The following ZNF713 variants were observed in gnomAD, a reference collection of about 807,000 sequenced individuals.
ZNF713 encodes the protein zinc finger protein 713.
Under a neutral mutation model 28.7 loss-of-function variants are expected in ZNF713, and 21 were observed. The ratio of observed to expected loss-of-function variants is 0.73; its 90% CI spans 0.52 to 1.05. ZNF713 has a LOEUF of 1.05. Ranked by LOEUF, ZNF713 falls within the 50% of genes least tolerant of loss-of-function variation. The pLI, the probability that ZNF713 is intolerant of heterozygous loss-of-function variation, is 0.00. For synonymous variants in ZNF713, 167 were observed against 178.0 expected (o/e 0.94, Z 0.49); for missense variants, 458 against 532.4 (o/e 0.86, Z 1.37).
At chr7:55,913,776 C>A (rs1785831099) in intron 4 of ZNF713, among the ~76,000 whole-genome samples, 1 of 152,086 alleles carries the variant, frequency 6.6e-6, no homozygotes, top group African/African-American at 2.4e-5. Context: ...GAAACTGTTG[C>A]ATTATAGGTA....
At position 55,940,596 on chromosome 7, in the gene ZNF713, C is replaced by T. The variant is rs73134761; in HGVS notation, c.*590C>T. The T allele has an allele frequency of 0.044, 42,660 of 972,812 alleles. 1,071 individuals are homozygous for T. Among genetic ancestry groups the T allele is most frequent in the Non-Finnish European group, 0.048 (39,557 of 818,852 alleles). 60.3% of individuals were successfully genotyped at this position (972,812 alleles called of 1,614,324 possible). On this transcript the variant is annotated 3_prime_UTR_variant, in exon 7 of 7. Coordinates refer to ENST00000429591, the MANE Select transcript of ZNF713 (RefSeq NM_182633.3). Reference sequence around the variant, plus strand: ...TTTTTAAAAAATCAGAAGTCCTTATCCAGGCATGGTGGTGCACACCTGCAA... The same window carrying T: ...TTTTTAAAAAATCAGAAGTCCTTATTCAGGCATGGTGGTGCACACCTGCAA...
chr7:55,899,495 A>AC (rs1584298341), intron 1 of ZNF713, among the ~76,000 whole-genome samples: 1 of 142,952 alleles, frequency 7.0e-6, no homozygotes, highest in East Asian at 2.1e-4. Flanking sequence ...AGATGGCGAG[A>AC]CCCCATCTCT....
intron 1 of ZNF713, among the ~76,000 whole-genome samples, chr7:55,898,324 A>G (rs995174758): frequency 2.0e-5 from 3 of 152,236 alleles, no homozygotes; most frequent in Admixed American, 2.0e-4. Context: ...TGCAAACGAT[A>G]CATCTGATAT....
At chr7:55,896,101 G>A (rs1785467689) in intron 1 of ZNF713, among the ~76,000 whole-genome samples, 1 of 152,132 alleles carries the variant, frequency 6.6e-6, no homozygotes, top group Admixed American at 6.6e-5. Flanking sequence ...GGTTACATTT[G>A]TATGTTTTTC....
intron 6 of ZNF713, 23 bp downstream of exon 6, chr7:55,923,722 T>C (rs747682995): frequency 2.5e-6 from 4 of 1,590,470 alleles, no homozygotes; most frequent in Middle Eastern, 1.7e-4. Flanking sequence ...TCTTGGGCAC[T>C]GCTACTTAAT....
chr7:55,939,344 T>C lies in ZNF713; in HGVS notation c.670T>C (p.Tyr224His). Residue 224 changes from tyrosine to histidine, a missense_variant, in exon 7 of 7, where the codon TAC becomes CAC. Tyr to His is a moderately conservative substitution (Grantham distance 83). Transcript: ENST00000429591. Reference protein sequence around the residue: ...NSIKHNSDLIYYQGNYVRETP... With the variant: ...NSIKHNSDLIHYQGNYVRETP... ...CATCAAACATAATTCAGACTTGATT[T>C]ACTATCAGGGAAATTATGTAAGAGA... is the stretch of plus-strand genomic sequence containing the variant. 6.2e-7 allele frequency: 1 copy of C among 1,614,082 alleles called. No homozygotes were observed. Among genetic ancestry groups the C allele is most frequent in the Non-Finnish European group, 8.5e-7 (1 of 1,180,014 alleles).
At chr7:55,934,884 C>CTTTT (rs35877447) in intron 6 of ZNF713, among the ~76,000 whole-genome samples, 2 of 131,584 alleles carry the variant, frequency 1.5e-5, no homozygotes, top group African/African-American at 2.8e-5. Context: ...CTGGCATTGC[C>CTTTT]TTTTTTTTTT....
intron 4 of ZNF713, among the ~76,000 whole-genome samples, chr7:55,918,543 A>G (rs944273544): frequency 3.9e-5 from 6 of 152,320 alleles, no homozygotes; most frequent in Non-Finnish European, 8.8e-5. Context: ...TGGGGATAAG[A>G]TAGAAAACGA....
chr7:55,907,659 G>A (rs1161405345), intron 2 of ZNF713, among the ~76,000 whole-genome samples: 1 of 152,008 alleles, frequency 6.6e-6, no homozygotes, highest in African/African-American at 2.4e-5. Flanking sequence ...CCCTCTGTAT[G>A]TCTACATGCA....
At chr7:55,934,609 A>G (rs2331166) in intron 6 of ZNF713, among the ~76,000 whole-genome samples, 124,814 of 151,980 alleles carry the variant, frequency 0.82, 51,784 homozygotes, top group East Asian at 0.95. Flanking sequence ...GGCTGAGGTG[A>G]CCCTCTCACC....
chr7:55,935,025 A>AT (rs1263681257), intron 6 of ZNF713, among the ~76,000 whole-genome samples: 1 of 151,332 alleles, frequency 6.6e-6, no homozygotes, highest in East Asian at 1.9e-4. Context: ...AGTAGCTGGG[A>AT]TTACAGACAT....
intron 4 of ZNF713, among the ~76,000 whole-genome samples, chr7:55,921,258 A>T (rs959000977): frequency 1.3e-5 from 2 of 152,156 alleles, no homozygotes; most frequent in Non-Finnish European, 2.9e-5. Context: ...GCTCTGATGG[A>T]GATGTACAAG....
intron 6 of ZNF713, among the ~76,000 whole-genome samples, chr7:55,934,204 C>A (rs1786298699): frequency 6.6e-6 from 1 of 151,898 alleles, no homozygotes; most frequent in South Asian, 2.1e-4. Context: ...AATCTTGGAC[C>A]CCTTTGAAAA....
intron 1 of ZNF713, among the ~76,000 whole-genome samples, chr7:55,890,970 T>C (rs1240887922): frequency 7.0e-6 from 1 of 143,588 alleles, no homozygotes; most frequent in African/African-American, 2.6e-5. Context: ...CACTCTAGCC[T>C]GGACGACAGA....
At chr7:55,908,079 C>T (rs1785716022) in intron 2 of ZNF713, among the ~76,000 whole-genome samples, 1 of 151,404 alleles carries the variant, frequency 6.6e-6, no homozygotes, top group Admixed American at 6.6e-5. Context: ...TTTACATTCC[C>T]ACCAGCAGTG....
chr7:55,912,875 T>C (rs1218620259), intron 4 of ZNF713, 152 bp downstream of exon 4: 5 of 628,684 alleles, frequency 8.0e-6, no homozygotes, highest in Non-Finnish European at 1.4e-5. Flanking sequence ...ATGTTTTCCA[T>C]TCACCTATGT....
chr7:55,930,212 A>G (rs1786183528), intron 6 of ZNF713, among the ~76,000 whole-genome samples: 1 of 152,196 alleles, frequency 6.6e-6, no homozygotes, highest in South Asian at 2.1e-4. Flanking sequence ...AAAATGTTCA[A>G]TCTCAGTCAT....
intron 6 of ZNF713, among the ~76,000 whole-genome samples, chr7:55,931,440 GACGCATTTTTAAATTAATAAGAGA>G (rs1175570696): frequency 2.0e-5 from 3 of 152,078 alleles, no homozygotes; most frequent in African/African-American, 7.2e-5. Context: ...ACTATAAATT[GACGCATTTTTAAATTAATAAGAGA>G]ACCAAAAATA....
intron 6 of ZNF713, among the ~76,000 whole-genome samples, chr7:55,937,813 G>A (rs1476422271): frequency 6.6e-6 from 1 of 152,070 alleles, no homozygotes; most frequent in African/African-American, 2.4e-5. Context: ...AAGCTGAGGT[G>A]GGAGGATTGC....
Sources: allele counts gnomAD v4.1 joint callset (sites outside exome capture counted in the v4.1 genomes callset), GRCh38; gene constraint gnomAD v4.1.1; transcripts MANE v1.5; gene names NCBI Gene and HGNC (gene_info 2026-07-23, HGNC 2026-07-21).